Variants in SRGN observed in about 807,000 individuals in gnomAD.
The protein encoded by SRGN is hematopoetic proteoglycan core peptide.
In SRGN, 2 loss-of-function variants were observed where a neutral mutation model predicts 9.5. That is an observed-to-expected ratio of 0.21 (90% confidence interval 0.09 to 0.66). SRGN has a LOEUF of 0.66. Among genes scored for constraint, SRGN ranks in the 30% least tolerant of loss-of-function variants. The pLI, the probability that SRGN is intolerant of heterozygous loss-of-function variation, is 0.83. For synonymous variants in SRGN, 59 were observed against 72.3 expected (o/e 0.82, Z 0.93); for missense variants, 170 against 192.4 (o/e 0.88, Z 0.69).
At chr10:69,098,100 G>A (rs1022801856) in intron 2 of SRGN, among the ~76,000 whole-genome samples, 8 of 152,048 alleles carry the variant, frequency 5.3e-5, no homozygotes, top group African/African-American at 1.9e-4. Flanking sequence ...GGAGCATTGA[G>A]GACTTTTCAT....
chr10:69,094,430 T>A (rs902040337), intron 1 of SRGN, among the ~76,000 whole-genome samples: 2 of 152,154 alleles, frequency 1.3e-5, no homozygotes, highest in East Asian at 3.8e-4. Flanking sequence ...TTATAGCAAT[T>A]TAGAAAACAA....
chr10:69,092,451 G>A (rs1405352277), intron 1 of SRGN, among the ~76,000 whole-genome samples: 1 of 152,096 alleles, frequency 6.6e-6, no homozygotes, highest in Non-Finnish European at 1.5e-5. Flanking sequence ...AAATAGCTTT[G>A]TTGAGATAGT....
intron 2 of SRGN, 50 bp from the exon 3 acceptor site, chr10:69,103,821 C>T (rs1262616873): frequency 6.3e-7 from 1 of 1,585,166 alleles, no homozygotes; most frequent in Non-Finnish European, 8.6e-7. Flanking sequence ...TTATCTTTCC[C>T]ACATATCAAA....
At chr10:69,095,944 A>G (rs1034346682) in intron 1 of SRGN, among the ~76,000 whole-genome samples, 1 of 149,840 alleles carries the variant, frequency 6.7e-6, no homozygotes, top group African/African-American at 2.4e-5. Flanking sequence ...ACATAAATAA[A>G]TCTCCTATAT....
In SRGN at chr10:69,097,126, A is replaced by G; in HGVS notation, c.122A>G (p.Asn41Ser). The G allele has an allele frequency of 1.2e-6, 2 of 1,614,190 alleles. No individual in the cohort carries two copies. Among genetic ancestry groups the G allele is most frequent in the Non-Finnish European group, 1.7e-6 (2 of 1,180,014 alleles). ...RRARYQWVRC[N>S]PDSNSANCLE... is the part of the protein sequence containing the mutation. Reference sequence around the variant, plus strand: ...GCCAGGTACCAATGGGTGCGCTGCAATCCAGACAGTAATTCTGCAAACTGC... The same window carrying G: ...GCCAGGTACCAATGGGTGCGCTGCAGTCCAGACAGTAATTCTGCAAACTGC... Residue 41 changes from asparagine to serine, a missense_variant, in exon 2 of 3, where the codon AAT (asparagine) becomes AGT (serine). By Grantham distance (46) the Asn-to-Ser change is conservative (BLOSUM62 1). Coordinates refer to ENST00000242465, the MANE Select transcript of SRGN (RefSeq NM_002727.4).
chr10:69,093,738 G>A (rs1430769588), intron 1 of SRGN, among the ~76,000 whole-genome samples: 1 of 152,076 alleles, frequency 6.6e-6, no homozygotes, highest in Non-Finnish European at 1.5e-5. Flanking sequence ...ATGGTGGCAC[G>A]TGCCTGTAAT....
At position 69,104,140 on chromosome 10, in the gene SRGN, GA is replaced by G. The variant is rs1564663935; in HGVS notation, c.*21del. 3 of 1,609,060 alleles carry G rather than the reference GA, an allele frequency of 1.9e-6. No individual in the cohort carries two copies. The highest frequency in any genetic ancestry group is 2.6e-6 in the Non-Finnish European group (3 of 1,175,962). On this transcript the variant is annotated 3_prime_UTR_variant, in exon 3 of 3. Coordinates refer to ENST00000242465, the MANE Select transcript of SRGN (RefSeq NM_002727.4). Reference sequence around the variant, plus strand: ...TTATAAAAGAGGATTTTCCCACCTTGACACCAGGCAATGTAGTTAGCATATT... The same window carrying G: ...TTATAAAAGAGGATTTTCCCACCTTGCACCAGGCAATGTAGTTAGCATATT...
chr10:69,095,117 G>A (rs1265500996), intron 1 of SRGN, among the ~76,000 whole-genome samples: 1 of 151,490 alleles, frequency 6.6e-6, no homozygotes, highest in Non-Finnish European at 1.5e-5. Flanking sequence ...AGACCAGCCT[G>A]GCCAACATGG....
intron 2 of SRGN, among the ~76,000 whole-genome samples, chr10:69,101,037 C>G (rs1050418905): frequency 2.0e-5 from 3 of 148,300 alleles, no homozygotes; most frequent in Non-Finnish European, 4.4e-5. Flanking sequence ...GGCTGGAGTG[C>G]AGTGGTGCGA....
At position 69,104,639 on chromosome 10, in the gene SRGN, T is replaced by C. The variant is rs1428225294; in HGVS notation, c.*519T>C. ...CCTTTGAATGTGTTTGCAGAGCTAG[T>C]GGATGTGTTTGTCTACAAGTATGAT... On this transcript the variant is annotated 3_prime_UTR_variant, in exon 3 of 3. Coordinates refer to ENST00000242465, the MANE Select transcript of SRGN (RefSeq NM_002727.4). The C allele has an allele frequency of 3.3e-5, 5 of 152,382 alleles. No individual in the cohort carries two copies. The South Asian group carries it at 1.0e-3, about 31-fold the overall frequency. The allele number at this position is 152,382 out of a possible 1,614,324, so 9.4% of individuals were successfully genotyped here.
chr10:69,097,619 G>T (rs1031053502), intron 2 of SRGN, among the ~76,000 whole-genome samples: 1 of 152,058 alleles, frequency 6.6e-6, no homozygotes, highest in African/African-American at 2.4e-5. Context: ...AGTAGAGACG[G>T]GGTTTCACCT....
intron 2 of SRGN, among the ~76,000 whole-genome samples, chr10:69,103,080 C>T (rs1291191839): frequency 6.6e-6 from 1 of 151,924 alleles, no homozygotes; most frequent in East Asian, 2.0e-4. Context: ...GCTGGGATTA[C>T]AGGCATGCAC....
At position 69,104,629 on chromosome 10, in the gene SRGN, G is replaced by C. The variant is rs1589333543; in HGVS notation, c.*509G>C. ...TATACTATTACCTTTGAATGTGTTTGCAGAGCTAGTGGATGTGTTTGTCTA... is the reference window on the plus strand; with the variant it reads ...TATACTATTACCTTTGAATGTGTTTCCAGAGCTAGTGGATGTGTTTGTCTA... On this transcript the variant is annotated 3_prime_UTR_variant, in exon 3 of 3. Transcript: ENST00000242465. 6.6e-6 allele frequency: 1 copy of C among 152,264 alleles called. No individual in the cohort carries two copies. The allele number at this position is 152,264 out of a possible 1,614,324, so 9.4% of individuals were successfully genotyped here. A position where few individuals can be genotyped will look rare whatever the true frequency, so the allele number is the denominator to read the frequency against.
chr10:69,091,955 T>C (rs1340416041), intron 1 of SRGN, among the ~76,000 whole-genome samples: 1 of 148,348 alleles, frequency 6.7e-6, no homozygotes, highest in Non-Finnish European at 1.5e-5. Context: ...ATATTGTGAT[T>C]ATGTTGAGGG....
At chr10:69,092,118 C>A (rs1026643514) in intron 1 of SRGN, among the ~76,000 whole-genome samples, 1 of 151,928 alleles carries the variant, frequency 6.6e-6, no homozygotes, top group Non-Finnish European at 1.5e-5. Context: ...AAAAACCATT[C>A]TTTCCCTTGG....
chr10:69,088,276 T>G, intron 1 of SRGN, 40 bp downstream of exon 1: 1 of 1,530,774 alleles, frequency 6.5e-7, no homozygotes, highest in South Asian at 1.1e-5. Flanking sequence ...ATCTTCTCTG[T>G]AAGCCCTGTG....
chr10:69,090,447 T>C (rs1484371643), intron 1 of SRGN, among the ~76,000 whole-genome samples: 2 of 152,224 alleles, frequency 1.3e-5, no homozygotes, highest in Non-Finnish European at 2.9e-5. Flanking sequence ...CTCACAGTTC[T>C]GGAGATGGGA....
intron 1 of SRGN, among the ~76,000 whole-genome samples, chr10:69,096,146 C>T (rs1482524749): frequency 6.6e-6 from 1 of 152,110 alleles, no homozygotes; most frequent in Non-Finnish European, 1.5e-5. Flanking sequence ...CCCTAAAACA[C>T]AAGAACTAGA....
chr10:69,091,438 C>A (rs1430986063), intron 1 of SRGN, among the ~76,000 whole-genome samples: 1 of 152,120 alleles, frequency 6.6e-6, no homozygotes, highest in Admixed American at 6.6e-5. Context: ...GGAAGCTTAT[C>A]CATCTTGTGG....
Sources: gnomAD v4.1 joint callset for allele counts (sites outside exome capture counted in the v4.1 genomes callset) on GRCh38, gnomAD v4.1.1 for gene constraint, MANE v1.5 for transcripts, NCBI Gene and HGNC (gene_info 2026-07-23, HGNC 2026-07-21) for gene names.